Variants in SEPTIN9 observed in about 807,000 individuals in gnomAD.
SEPTIN9 encodes the protein septin-9.
Under a neutral mutation model 56.6 loss-of-function variants are expected in SEPTIN9, and 13 were observed. That is an observed-to-expected ratio of 0.23 (90% CI 0.15 to 0.37). The LOEUF (loss-of-function observed/expected upper bound fraction) is 0.37. Among genes scored for constraint, SEPTIN9 ranks in the 10% least tolerant of loss-of-function variants. SEPTIN9 has a pLI of 1.00. For missense variants in SEPTIN9, 650 were observed against 823.1 expected (o/e 0.79, Z 2.57); for synonymous variants, 332 against 334.1 (o/e 0.99, Z 0.07).
At chr17:77,309,179 G>A (rs2032384290) in intron 2 of SEPTIN9, among the ~76,000 whole-genome samples, 1 of 152,270 alleles carries the variant, frequency 6.6e-6, no homozygotes, top group Admixed American at 6.5e-5. Context: ...CTGGCACCCT[G>A]GGCTGCATGG....
At chr17:77,408,032 T>C (rs903840956) in intron 3 of SEPTIN9, among the ~76,000 whole-genome samples, 1 of 151,696 alleles carries the variant, frequency 6.6e-6, no homozygotes, top group African/African-American at 2.4e-5. Context: ...TCTCCAGAGC[T>C]GCCTTATAAG....
At chr17:77,384,075 G>A (rs1002461740) in intron 2 of SEPTIN9, among the ~76,000 whole-genome samples, 1 of 152,198 alleles carries the variant, frequency 6.6e-6, no homozygotes, top group East Asian at 1.9e-4. Context: ...AAGGGCTGTC[G>A]AGCAGGGAGG....
chr17:77,307,283 C>G, intron 2 of SEPTIN9, 86 bp downstream of exon 2: 1 of 1,234,208 alleles, frequency 8.1e-7, no homozygotes, highest in Non-Finnish European at 1.2e-6. Flanking sequence ...GGACCTGCCT[C>G]CCCACCTGGC....
In SEPTIN9 at chr17:77,363,292, C is replaced by T. The variant is rs896871936; in HGVS notation, c.77-38767C>T. On this transcript the variant is annotated intron_variant, in intron 2 of 11. Transcript: ENST00000427177. Reference sequence around the variant, plus strand: ...CTTATGAATTATAAACAGACACTCCCGCAACTTTCTCTGACGTGATACAAT... The same window carrying T: ...CTTATGAATTATAAACAGACACTCCTGCAACTTTCTCTGACGTGATACAAT... Among the ~76,000 whole-genome samples, 9 of 151,836 alleles carry T rather than the reference C, an allele frequency of 5.9e-5. No homozygotes were observed. In the South Asian group the frequency reaches 6.2e-4, roughly 11 times the overall value.
rs1350442126 is a variant in SEPTIN9, at chr17:77,367,799, G to C, written c.77-34260G>C. ...CCACTACACTACAGCCCGGGCGACA[G>C]AGTGAGACTGTCTAAAATAATAATA... On this transcript the variant is annotated intron_variant, in intron 2 of 11. Transcript: ENST00000427177. This position sits in a 1 kb window ranked among gnomAD's most constrained non-coding sequence, Gnocchi z 4.5. Among the ~76,000 whole-genome samples the C allele has an allele frequency of 1.3e-5, 2 of 152,116 alleles. No homozygotes were observed. Among genetic ancestry groups the C allele is most frequent in the Non-Finnish European group, 2.9e-5 (2 of 68,016 alleles).
Position 77,475,759 on chromosome 17 carries a change from G to A in SEPTIN9, c.722-6385G>A, listed in dbSNP as rs778254128. 127 of 1,613,010 alleles carry A rather than the reference G, an allele frequency of 7.9e-5. 2 individuals carry two copies. In the South Asian group the frequency reaches 1.4e-3, roughly 17 times the overall value. On this transcript the variant is annotated intron_variant, in intron 3 of 11. Transcript: ENST00000427177. This position sits in a 1 kb window ranked among gnomAD's most constrained non-coding sequence, Gnocchi z 4.6. ...CTGTAGATGCCGGCAGCTTTCTCCTGGACACGGGCCTGGAAGGCTGACAGG... is the reference window on the plus strand; with the variant it reads ...CTGTAGATGCCGGCAGCTTTCTCCTAGACACGGGCCTGGAAGGCTGACAGG...
At chr17:77,409,332 G>A (rs1386846919) in intron 3 of SEPTIN9, among the ~76,000 whole-genome samples, 1 of 152,144 alleles carries the variant, frequency 6.6e-6, no homozygotes, top group Non-Finnish European at 1.5e-5. Flanking sequence ...TGTCTCCTTC[G>A]TGGTGGGACG....
At chr17:77,383,401 A>G (rs2035217589) in intron 2 of SEPTIN9, among the ~76,000 whole-genome samples, 1 of 152,038 alleles carries the variant, frequency 6.6e-6, no homozygotes, top group African/African-American at 2.4e-5. Flanking sequence ...AACAAGGTAG[A>G]TTGGGCTGCT....
chr17:77,446,342 A>T (rs1271694727), intron 3 of SEPTIN9: 1 of 162,658 alleles, frequency 6.1e-6, no homozygotes, highest in Non-Finnish European at 1.5e-5. Context: ...CCTTCTCTGC[A>T]GTCAGATCTC....
Position 77,433,005 on chromosome 17 carries a change from CG to C in SEPTIN9, c.721+30303del, listed in dbSNP as rs2037202356. Among the ~76,000 whole-genome samples the C allele has an allele frequency of 6.6e-6, 1 of 152,146 alleles. No homozygotes were observed. Among genetic ancestry groups the C allele is most frequent in the Non-Finnish European group, 1.5e-5 (1 of 68,012 alleles). On this transcript the variant is annotated intron_variant, in intron 3 of 11. Transcript: ENST00000427177. The surrounding 1 kb of genome is among the most constrained non-coding windows in gnomAD (Gnocchi z 6.4). ...TTGGAGTCAGAGAATCCCCTGTCGC[CG>C]TGGCGGGGCTGTTCCCTCCTGCCCC...
In SEPTIN9 at chr17:77,307,154, C is replaced by T. The variant is rs373649999; in HGVS notation, c.33C>T (p.Thr11=). The part of the protein sequence containing the change: MKKSYSGGTR[T]SSGRLRRLGD... Reference sequence around the variant, plus strand: ...CTCTGTCTTTAGGAGGCACGCGGACCTCCAGTGGCCGGCTCCGGAGGCTTG... The same window carrying T: ...CTCTGTCTTTAGGAGGCACGCGGACTTCCAGTGGCCGGCTCCGGAGGCTTG... Residue 11 remains threonine (T), a synonymous_variant, in exon 2 of 12, where the codon ACC becomes ACT. Transcript: ENST00000427177. 5.6e-6 allele frequency: 9 copies of T among 1,613,816 alleles called. No homozygotes were observed. Among genetic ancestry groups the T allele is most frequent in the African/African-American group, 1.3e-5 (1 of 74,918 alleles).
rs150983544 is a variant in SEPTIN9, at chr17:77,287,300, G to A, written c.19+5746G>A. Among the ~76,000 whole-genome samples, 435 of 152,338 alleles carry A rather than the reference G, an allele frequency of 2.9e-3. 1 individual carries two copies. The highest frequency in any genetic ancestry group is 9.2e-3 in the African/African-American group (381 of 41,572). The stretch of plus-strand genomic sequence containing the variant: ...CAGTGAAGTGCCCCCGTGGCCGATG[G>A]GCTGGTCACCCCTGCCCCTTTCCTG... On this transcript the variant is annotated intron_variant, in intron 1 of 11. Transcript: ENST00000427177.
At chr17:77,490,504 C>T (rs2039978428) in intron 7 of SEPTIN9, among the ~76,000 whole-genome samples, 1 of 152,190 alleles carries the variant, frequency 6.6e-6, no homozygotes, top group African/African-American at 2.4e-5. Context: ...GTGCTTGGAG[C>T]TGGCCCTGGC....
rs1038178689 is a variant in SEPTIN9, at chr17:77,362,968, G to A, written c.77-39091G>A. ...GGAACAGGATAGGGCAGGCACAGAG[G>A]TCTGGCACCTGGCTTGTGGGGAAGT... is the stretch of plus-strand genomic sequence containing the variant. On this transcript the variant is annotated intron_variant, in intron 2 of 11. Transcript: ENST00000427177. Among the ~76,000 whole-genome samples, 5 of 152,242 alleles carry A rather than the reference G, an allele frequency of 3.3e-5. No individual in the cohort carries two copies. The East Asian group carries it at 9.6e-4, about 29-fold the overall frequency.
At chr17:77,483,462 G>C (rs891262829) in intron 4 of SEPTIN9, 4 of 152,444 alleles carry the variant, frequency 2.6e-5, no homozygotes, top group Non-Finnish European at 4.4e-5. Flanking sequence ...TGCCTGTTGT[G>C]GGGGACGTGC....
At chr17:77,468,146 T>A (rs1047247434) in intron 3 of SEPTIN9, among the ~76,000 whole-genome samples, 8 of 152,098 alleles carry the variant, frequency 5.3e-5, no homozygotes, top group African/African-American at 1.9e-4. Context: ...GCGCCTGTAA[T>A]CCCAGCTACT....
intron 3 of SEPTIN9, among the ~76,000 whole-genome samples, chr17:77,481,475 TC>T (rs1050594259): frequency 2.6e-5 from 4 of 151,614 alleles, no homozygotes; most frequent in Admixed American, 2.6e-4. Context: ...CTTTTCCTTC[TC>T]CCAGGACTGC....
At chr17:77,382,324 C>T (rs963257945) in intron 2 of SEPTIN9, among the ~76,000 whole-genome samples, 10 of 152,244 alleles carry the variant, frequency 6.6e-5, no homozygotes, top group Non-Finnish European at 1.0e-4. Flanking sequence ...CCACTGCGCT[C>T]GGCCTTCTCT....
intron 2 of SEPTIN9, among the ~76,000 whole-genome samples, chr17:77,311,220 A>ACCCCCCCCCCC (rs141106062): frequency 9.4e-5 from 11 of 117,422 alleles, no homozygotes; most frequent in East Asian, 7.7e-4. Flanking sequence ...GCAAGGAAGG[A>ACCCCCCCCCCC]CCCCCCCCCC....
Sources: gnomAD v4.1 joint callset for allele counts (sites outside exome capture counted in the v4.1 genomes callset) on GRCh38, gnomAD v4.1.1 for gene constraint, Gnocchi (gnomAD v3.1) non-coding constraint, MANE v1.5 for transcripts, NCBI Gene and HGNC (gene_info 2026-07-23, HGNC 2026-07-21) for gene names.